TARBP1: variants seen among roughly 807,000 people sequenced by gnomAD.
TARBP1 encodes tRNA (guanosine(18)-2'-O)-methyltransferase TARBP1.
In TARBP1, 144 loss-of-function variants were observed where a neutral mutation model predicts 178.6. The ratio of observed to expected loss-of-function variants is 0.81; its 90% CI spans 0.70 to 0.93. The LOEUF (loss-of-function observed/expected upper bound fraction) is 0.93, where lower values mean the gene tolerates loss of function less well. Ranked by LOEUF, TARBP1 falls within the 40% of genes least tolerant of loss-of-function variation. TARBP1 has a pLI of 0.00. For missense variants in TARBP1, 2,067 were observed against 2,011.7 expected, an observed-to-expected ratio of 1.03 and a Z score of -0.53; for synonymous variants, 787 against 781.0, an observed-to-expected ratio of 1.01 and a Z score of -0.13.
Position 234,427,335 on chromosome 1 carries a change from G to T in TARBP1, c.3305C>A (p.Ala1102Glu). 1 of 1,610,858 alleles carries T rather than the reference G, an allele frequency of 6.2e-7. No individual in the cohort carries two copies. Among genetic ancestry groups the T allele is most frequent in the South Asian group, 1.1e-5 (1 of 90,344 alleles). The change falls in exon 19 of 30, where the codon GCA (alanine) becomes GAA (glutamate). Residue 1102 changes from alanine (A) to glutamate (E), a missense_variant. Ala to Glu is a moderately radical substitution (Grantham distance 107). Coordinates refer to ENST00000040877, the MANE Select transcript of TARBP1 (RefSeq NM_005646.4). ...FIENLGHDCA[A>E]NIVMENTKRE... ...TACTTACTTTTCCATAACAATATTT[G>T]CCGCACAGTCATGTCCAAGGTTTTC...
chr1:234,429,693 A>G lies in TARBP1; in HGVS notation c.2610-16T>C. On this transcript the variant is annotated splice_polypyrimidine_tract_variant and intron_variant, in intron 15 of 29. Coordinates refer to ENST00000040877, the MANE Select transcript of TARBP1 (RefSeq NM_005646.4). ...TTCCAAAACACTGAAATAAAAAATA[A>G]AGTTACTAGGCCATACTTCCCCAAT... The G allele has an allele frequency of 6.3e-7, 1 of 1,579,134 alleles. No homozygotes were observed. Among genetic ancestry groups the G allele is most frequent in the Non-Finnish European group, 8.6e-7 (1 of 1,164,198 alleles).
At chr1:234,472,468 C>T (rs942611978) in intron 2 of TARBP1, among the ~76,000 whole-genome samples, 1 of 148,944 alleles carries the variant, frequency 6.7e-6, no homozygotes, top group Non-Finnish European at 1.5e-5. Flanking sequence ...TACTGATAAA[C>T]GTTAAAGTTT....
At chr1:234,463,298 A>G (rs1166213141) in intron 6 of TARBP1, among the ~76,000 whole-genome samples, 1 of 152,004 alleles carries the variant, frequency 6.6e-6, no homozygotes, top group East Asian at 1.9e-4. Context: ...TAATTTTTGT[A>G]TTTTTAGTGG....
At chr1:234,439,263 T>C (rs1320424018) in intron 12 of TARBP1, among the ~76,000 whole-genome samples, 1 of 152,222 alleles carries the variant, frequency 6.6e-6, no homozygotes, top group Non-Finnish European at 1.5e-5. Flanking sequence ...ATTTGTTTGT[T>C]GGTTAAAAGC....
intron 9 of TARBP1, among the ~76,000 whole-genome samples, chr1:234,453,453 G>C (rs1419570499): frequency 1.3e-5 from 2 of 151,446 alleles, no homozygotes; most frequent in Non-Finnish European, 1.5e-5. Context: ...GCCTCCCAAA[G>C]TACTGGGATT....
At chr1:234,445,936 TAGTC>T (rs1480250481) in intron 12 of TARBP1, among the ~76,000 whole-genome samples, 2 of 152,274 alleles carry the variant, frequency 1.3e-5, no homozygotes, top group South Asian at 2.1e-4. Flanking sequence ...TAGGAGTAAA[TAGTC>T]AGGACAGCGC....
intron 14 of TARBP1, among the ~76,000 whole-genome samples, chr1:234,430,587 T>C (rs1664323910): frequency 6.6e-6 from 1 of 152,196 alleles, no homozygotes; most frequent in South Asian, 2.1e-4. Flanking sequence ...AACTAGTACA[T>C]GACAGATTCG....
chr1:234,448,629 G>C, intron 10 of TARBP1, 50 bp from the exon 11 acceptor site: 1 of 1,449,848 alleles, frequency 6.9e-7, no homozygotes, highest in Non-Finnish European at 9.6e-7. Context: ...AATCCTTCAA[G>C]GATGATGCTT....
intron 17 of TARBP1, among the ~76,000 whole-genome samples, chr1:234,428,789 G>A (rs144882094): frequency 0.024 from 3,587 of 152,136 alleles, 57 homozygotes; most frequent in South Asian, 0.063. Flanking sequence ...CACGTGATCC[G>A]CCCGCCTCAG....
At chr1:234,393,232 A>G (rs1659577095) in intron 28 of TARBP1, 130 bp downstream of exon 28, 1 of 972,460 alleles carries the variant, frequency 1.0e-6, no homozygotes, top group Non-Finnish European at 1.4e-6. Context: ...AAAAGGACTA[A>G]TACACAAAGA....
At chr1:234,459,922 TA>T (rs1667678002) in intron 7 of TARBP1, among the ~76,000 whole-genome samples, 3 of 152,208 alleles carry the variant, frequency 2.0e-5, no homozygotes, top group African/African-American at 7.2e-5. Context: ...ATTTTTTAAA[TA>T]CTTTCTGTTA....
chr1:234,475,383 G>C (rs940919599), intron 1 of TARBP1, among the ~76,000 whole-genome samples: 5 of 152,196 alleles, frequency 3.3e-5, no homozygotes, highest in Non-Finnish European at 7.3e-5. Flanking sequence ...GATAGAACCT[G>C]CTCCCTTCAC....
intron 17 of TARBP1, 96 bp downstream of exon 17, chr1:234,429,040 G>A (rs1048944627): frequency 8.7e-7 from 1 of 1,155,022 alleles, no homozygotes; most frequent in African/African-American, 1.6e-5. Context: ...GGAATAAAGA[G>A]CCAAAAATCT....
At chr1:234,476,921 C>G (rs1669619161) in intron 1 of TARBP1, among the ~76,000 whole-genome samples, 1 of 152,228 alleles carries the variant, frequency 6.6e-6, no homozygotes, top group Non-Finnish European at 1.5e-5. Flanking sequence ...CGCGGTGGCT[C>G]ACGCCTGTAA....
intron 17 of TARBP1, among the ~76,000 whole-genome samples, chr1:234,428,707 G>C (rs1664055053): frequency 6.6e-6 from 1 of 152,050 alleles, no homozygotes; most frequent in Non-Finnish European, 1.5e-5. Context: ...CACCACACCT[G>C]GCTAATTTTT....
chr1:234,437,873 A>C (rs1012440236), intron 12 of TARBP1, among the ~76,000 whole-genome samples: 1 of 152,214 alleles, frequency 6.6e-6, no homozygotes, highest in South Asian at 2.1e-4. Context: ...GCAGACAGGG[A>C]GGGATGCAGG....
rs1349810938 is a variant in TARBP1 at position 234,430,092 on chromosome 1, G to A, written c.2604C>T (p.Cys868=). The change falls in exon 15 of 30, where the codon TGC becomes TGT. Residue 868 remains cysteine (C), a synonymous_variant. Transcript: ENST00000040877. The part of the protein sequence containing the change: ...EQSSYAHPLE[C]SSVLEESSSS... ...AGCCTTAACCTTCCCTGTACCTGCT[G>A]CACTCCAAGGGGTGAGCATAACTGC... The A allele has an allele frequency of 1.2e-6, 2 of 1,609,860 alleles. No homozygotes were observed. Among genetic ancestry groups the A allele is most frequent in the Non-Finnish European group, 1.7e-6 (2 of 1,176,464 alleles).
intron 24 of TARBP1, among the ~76,000 whole-genome samples, chr1:234,402,834 C>T (rs1660835797): frequency 6.6e-6 from 1 of 152,132 alleles, no homozygotes; most frequent in East Asian, 1.9e-4. Context: ...AATCCACTCA[C>T]CTCGGCCTCG....
intron 6 of TARBP1, among the ~76,000 whole-genome samples, chr1:234,462,743 T>C (rs1310139311): frequency 6.7e-6 from 1 of 150,122 alleles, no homozygotes; most frequent in African/African-American, 2.5e-5. Flanking sequence ...ATCTTCCCCA[T>C]TAACACATTT....
Sources: allele counts gnomAD v4.1 joint callset (sites outside exome capture counted in the v4.1 genomes callset), GRCh38; gene constraint gnomAD v4.1.1; transcripts MANE v1.5; gene names NCBI Gene and HGNC (gene_info 2026-07-23, HGNC 2026-07-21).